Variants in ZBED6 observed in about 807,000 individuals in gnomAD.
ZBED6 encodes the protein zinc finger BED-type containing 6.
In ZBED6, 40 loss-of-function variants were observed where a neutral mutation model predicts 58.4. That is an observed-to-expected ratio of 0.68 (90% CI 0.53 to 0.89). The LOEUF (loss-of-function observed/expected upper bound fraction) is 0.89. Among genes scored for constraint, ZBED6 ranks in the 40% least tolerant of loss-of-function variants. The pLI, the probability that ZBED6 is intolerant of heterozygous loss-of-function variation, is 0.00. For missense variants in ZBED6, 1,057 were observed against 1,003.9 expected (o/e 1.05, Z -0.71); for synonymous variants, 439 against 350.6 (o/e 1.25, Z -2.82).
chr1:203,800,459 T>G lies in ZBED6; in HGVS notation c.2937T>G (p.Pro979=), dbSNP rs966497473. 17 of 1,479,306 alleles carry G rather than the reference T, an allele frequency of 1.1e-5. No homozygotes were observed. The Admixed American group carries it at 2.7e-4, about 23-fold the overall frequency. 91.6% of individuals were successfully genotyped at this position (1,479,306 alleles called of 1,614,324 possible). Reference sequence around the variant, plus strand: ...AAAGCAGTGAAAAAGAAATACTGCCTTAATTTCTTTTTCTCCATTTAAAAT... The same window carrying G: ...AAAGCAGTGAAAAAGAAATACTGCCGTAATTTCTTTTTCTCCATTTAAAAT... Residue 979 remains proline (P), a synonymous_variant, in exon 1 of 17, where the codon CCT becomes CCG. Coordinates refer to ENST00000550078, the Ensembl canonical transcript of ZBED6.
At position 203,797,746 on chromosome 1, in the gene ZBED6, G is replaced by A. The variant is rs540483833; in HGVS notation, c.224G>A (p.Arg75His). ...GGTTTGCGAATTAAGGGGAAAAGGCGTCGAAAAAAATTGATTCTTGCCAAA... is the reference window on the plus strand; with the variant it reads ...GGTTTGCGAATTAAGGGGAAAAGGCATCGAAAAAAATTGATTCTTGCCAAA... The change falls in exon 1 of 17, where the codon CGT becomes CAT. Residue 75 changes from arginine (R) to histidine (H), a missense_variant. Arg to His is a conservative substitution (Grantham distance 29, BLOSUM62 0). Coordinates refer to ENST00000550078, the Ensembl canonical transcript of ZBED6. 1.5e-4 allele frequency: 225 copies of A among 1,535,522 alleles called. No individual in the cohort carries two copies. The highest frequency in any genetic ancestry group is 7.3e-4 in the African/African-American group (53 of 73,098).
chr1:203,796,908 G>A, exon 1 of ZBED6: 1 of 154,362 alleles, frequency 6.5e-6, no homozygotes, highest in East Asian at 1.9e-4. Flanking sequence ...GGCTCAACTA[G>A]CATTTGCTGT....
Position 203,851,007 on chromosome 1 carries a change from A to G in ZBED6, c.*4806-50A>G, listed in dbSNP as rs145469449. On this transcript the variant is annotated intron_variant, in intron 15 of 16. Transcript: ENST00000550078. ...GCAGCAAAAGAAAATGAATATGCTCAAATTAAAAAGCCTGACTCTCACTGA... is the reference window on the plus strand; with the variant it reads ...GCAGCAAAAGAAAATGAATATGCTCGAATTAAAAAGCCTGACTCTCACTGA... 9.2e-5 allele frequency: 146 copies of G among 1,594,536 alleles called. 1 individual carries two copies. In the African/African-American group the frequency reaches 1.6e-3, roughly 17 times the overall value.
chr1:203,800,245 GC>G lies in ZBED6; in HGVS notation c.2727del (p.Met910CysfsTer22). The G allele has an allele frequency of 8.3e-7, 1 of 1,205,858 alleles. No homozygotes were observed. The highest frequency in any genetic ancestry group is 1.2e-6 in the Non-Finnish European group (1 of 845,552). The allele number at this position is 1,205,858 out of a possible 1,614,324, so 74.7% of individuals were successfully genotyped here. A position where few individuals can be genotyped will look rare whatever the true frequency, so the allele number is the denominator to read the frequency against. ...CAGGTTGCCATCCAGTATCTAAGTT[GC>G]CCCATGTGTAGTTGGCAATCTGAAT... On this transcript the variant is annotated frameshift_variant, in exon 1 of 17. Transcript: ENST00000550078. LOFTEE classifies it high-confidence loss of function.
At chr1:203,835,203 A>G (rs1388175760) in intron 9 of ZBED6, among the ~76,000 whole-genome samples, 1 of 152,222 alleles carries the variant, frequency 6.6e-6, no homozygotes, top group Non-Finnish European at 1.5e-5. Context: ...AATGCCCATG[A>G]ATGAAATTAA....
chr1:203,849,157 T>C (rs1484391826), intron 13 of ZBED6, among the ~76,000 whole-genome samples: 1 of 152,226 alleles, frequency 6.6e-6, no homozygotes, highest in African/African-American at 2.4e-5. Context: ...CGTGTTGGGA[T>C]TACATGTGTG....
Position 203,850,604 on chromosome 1 carries a change from G to A in ZBED6, c.*4728G>A, listed in dbSNP as rs757776488. The stretch of plus-strand genomic sequence containing the variant: ...AAAACGTAAGGCAGTGGAGATGCAC[G>A]CTGCTGTCATTGCCGCTGTGAAGCC... On this transcript the variant is annotated 3_prime_UTR_variant, in exon 15 of 17. Coordinates refer to ENST00000550078, the Ensembl canonical transcript of ZBED6. 17 of 1,614,100 alleles carry A rather than the reference G, an allele frequency of 1.1e-5. No individual in the cohort carries two copies. In the South Asian group the frequency reaches 1.1e-4, roughly 10 times the overall value.
At chr1:203,843,927 G>A (rs1035047804) in intron 11 of ZBED6, among the ~76,000 whole-genome samples, 3 of 151,352 alleles carry the variant, frequency 2.0e-5, no homozygotes, top group Admixed American at 6.6e-5. Context: ...GTGCGATCTC[G>A]GCTCACTGCA....
chr1:203,849,516 A>T (rs1028593052), intron 13 of ZBED6, among the ~76,000 whole-genome samples, 195 bp from the exon 14 acceptor site: 2 of 152,144 alleles, frequency 1.3e-5, no homozygotes, highest in Admixed American at 1.3e-4. Context: ...TGGGTTTTTT[A>T]TTATTCCATA....
rs1038439875 is a variant in ZBED6, at chr1:203,800,204, A to G, written c.2682A>G (p.Ile894Met). Reference sequence around the variant, plus strand: ...TTTACTGGCAGAGGAAGATAAGCATATGGCCGGCTTTGACCCAGGTTGCCA... The same window carrying G: ...TTTACTGGCAGAGGAAGATAAGCATGTGGCCGGCTTTGACCCAGGTTGCCA... Residue 894 changes from isoleucine to methionine, a missense_variant, in exon 1 of 17, where the codon ATA (isoleucine) becomes ATG (methionine). Transcript: ENST00000550078. 1.1e-5 allele frequency: 16 copies of G among 1,501,964 alleles called. No individual in the cohort carries two copies. The highest frequency in any genetic ancestry group is 1.4e-5 in the African/African-American group (1 of 72,326). 93.0% of individuals were successfully genotyped at this position (1,501,964 alleles called of 1,614,324 possible). A position where few individuals can be genotyped will look rare whatever the true frequency, so the allele number is the denominator to read the frequency against.
At chr1:203,851,968 C>CAA (rs57160781) in intron 16 of ZBED6, among the ~76,000 whole-genome samples, 173 bp from the exon 17 acceptor site, 11 of 45,838 alleles carry the variant, frequency 2.4e-4, no homozygotes, top group Admixed American at 3.9e-4. Flanking sequence ...GACTCTGCCT[C>CAA]AAAAAAAAAA....
intron 9 of ZBED6, among the ~76,000 whole-genome samples, chr1:203,834,587 G>A (rs773171701): frequency 1.3e-5 from 2 of 152,040 alleles, no homozygotes; most frequent in African/African-American, 4.8e-5. Context: ...TTTATTTTTG[G>A]GGGAGTACTT....
At chr1:203,847,135 A>G (rs1688126888) in intron 11 of ZBED6, 49 bp from the exon 12 acceptor site, 2 of 1,594,526 alleles carry the variant, frequency 1.3e-6, no homozygotes, top group Admixed American at 3.5e-5. Flanking sequence ...ATAAGTCAGT[A>G]AGAGATGAAC....
At chr1:203,813,842 A>G (rs1000580159) in intron 1 of ZBED6, among the ~76,000 whole-genome samples, 7 of 151,944 alleles carry the variant, frequency 4.6e-5, no homozygotes, top group African/African-American at 1.7e-4. Flanking sequence ...CCCTCTGTAC[A>G]TGTCTGTCTC....
At chr1:203,812,348 T>A (rs951747890) in intron 1 of ZBED6, among the ~76,000 whole-genome samples, 9 of 152,176 alleles carry the variant, frequency 5.9e-5, no homozygotes, top group Admixed American at 5.9e-4. Flanking sequence ...AGCATTTAGC[T>A]CCCACTTATA....
At chr1:203,844,216 C>T (rs1233960757) in intron 11 of ZBED6, among the ~76,000 whole-genome samples, 1 of 151,632 alleles carries the variant, frequency 6.6e-6, no homozygotes, top group African/African-American at 2.4e-5. Context: ...GGCTGGAGTG[C>T]AGTGGCGTGA....
chr1:203,824,628 T>C (rs1679884872), intron 3 of ZBED6, among the ~76,000 whole-genome samples: 1 of 149,106 alleles, frequency 6.7e-6, no homozygotes, highest in Admixed American at 6.6e-5. Context: ...GAGCTCTGCC[T>C]CCTTCTGATA....
Position 203,815,211 on chromosome 1 carries a change from C to CTTTCTTTTTTTTTTTT in ZBED6, c.*2555-1712_*2555-1711insCTTTTTTTTTTTTTTT, listed in dbSNP as rs779729339. On this transcript the variant is annotated intron_variant, in intron 1 of 16. Coordinates refer to ENST00000550078, the Ensembl canonical transcript of ZBED6. ...GTTATTTCATTATTTTCTTCCTTTT[C>CTTTCTTTTTTTTTTTT]TTTTCTTTTTTTTTTTTTTTTGAGA... 2.9e-4 allele frequency among the ~76,000 whole-genome samples: 17 copies of CTTTCTTTTTTTTTTTT among 59,414 alleles called. 1 individual carries two copies. Among genetic ancestry groups the CTTTCTTTTTTTTTTTT allele is most frequent in the East Asian group, 1.5e-3 (4 of 2,708 alleles). 39.0% of individuals were successfully genotyped at this position (59,414 alleles called of 152,430 possible).
intron 1 of ZBED6, among the ~76,000 whole-genome samples, chr1:203,814,336 C>T (rs1043207922): frequency 6.6e-6 from 1 of 152,058 alleles, no homozygotes; most frequent in East Asian, 1.9e-4. Flanking sequence ...CCAGCCTGGC[C>T]AACATGGCGA....
Sources: allele counts gnomAD v4.1 joint callset (sites outside exome capture counted in the v4.1 genomes callset), GRCh38; gene constraint gnomAD v4.1.1; transcripts MANE v1.5; gene names NCBI Gene and HGNC (gene_info 2026-07-23, HGNC 2026-07-21).